Variants in EPN3 observed in about 807,000 individuals in gnomAD.
EPN3 encodes the protein epsin-3.
A neutral mutation model predicts 55.5 loss-of-function variants in EPN3; 56 were observed. The observed-to-expected ratio is 1.01, with a 90% CI of 0.81 to 1.26. The LOEUF is 1.26. Ranked by LOEUF, EPN3 falls within the 50% of genes most tolerant of loss-of-function variation. EPN3 has a pLI of 0.00. For missense variants in EPN3, 927 were observed against 853.4 expected (o/e 1.09, Z -1.07); for synonymous variants, 449 against 375.2 (o/e 1.20, Z -2.27).
chr17:50,534,350 G>C, intron 1 of EPN3: 8 of 939,268 alleles, frequency 8.5e-6, no homozygotes, highest in Non-Finnish European at 1.0e-5. Context: ...CCAGAGGCTG[G>C]TGCCCCCACA....
At position 50,541,069 on chromosome 17, in the gene EPN3, A is replaced by C; in HGVS notation, c.1249+7A>C. On this transcript the variant is annotated splice_region_variant and intron_variant, in intron 7 of 9. Transcript: ENST00000268933. ...GAGACCTCCGACACACCTGGTAAGA[A>C]GAGGGCCAGAGAGTGTGAGTGAGGA... 1 of 1,567,694 alleles carries C rather than the reference A, an allele frequency of 6.4e-7. No individual in the cohort carries two copies. Among genetic ancestry groups the C allele is most frequent in the East Asian group, 2.2e-5 (1 of 44,472 alleles).
Position 50,542,058 on chromosome 17 carries a change from G to T in EPN3, c.1800G>T (p.Pro600=). 1 of 1,590,274 alleles carries T rather than the reference G, an allele frequency of 6.3e-7. No homozygotes were observed. The highest frequency in any genetic ancestry group is 1.1e-5 in the South Asian group (1 of 89,850). Residue 600 remains proline, a synonymous_variant, in exon 10 of 10, where the codon CCG becomes CCT. Transcript: ENST00000268933. ...LTLPASVSVF[P]QAGAFAPQPL... Reference sequence around the variant, plus strand: ...TCCCCGCCTCGGTTAGCGTCTTCCCGCAGGCCGGAGCCTTCGCACCGCAGC... The same window carrying T: ...TCCCCGCCTCGGTTAGCGTCTTCCCTCAGGCCGGAGCCTTCGCACCGCAGC...
intron 4 of EPN3, 105 bp from the exon 5 acceptor site, chr17:50,539,082 G>C (rs565265267): frequency 9.7e-5 from 152 of 1,560,440 alleles, no homozygotes; most frequent in Non-Finnish European, 1.3e-4. Flanking sequence ...TAACCTCTCA[G>C]CTGCCTCCCA....
chr17:50,540,225 C>T lies in EPN3; in HGVS notation c.892-22C>T, dbSNP rs138823901. 32 of 1,606,748 alleles carry T rather than the reference C, an allele frequency of 2.0e-5. No homozygotes were observed. The East Asian group carries it at 2.9e-4, about 15-fold the overall frequency. On this transcript the variant is annotated intron_variant, in intron 5 of 9. Transcript: ENST00000268933. ...CCAGGCCCCGCCCACTTCTGAGCCGCGGCTGCCTCTCCCCTCCACAGTCCT... is the reference window on the plus strand; with the variant it reads ...CCAGGCCCCGCCCACTTCTGAGCCGTGGCTGCCTCTCCCCTCCACAGTCCT...
At position 50,536,816 on chromosome 17, in the gene EPN3, C is replaced by T. The variant is rs368660081; in HGVS notation, c.260C>T (p.Thr87Met). The T allele has an allele frequency of 2.7e-5, 44 of 1,614,008 alleles. No individual in the cohort carries two copies. The highest frequency in any genetic ancestry group is 6.7e-5 in the Admixed American group (4 of 60,010). Residue 87 changes from threonine to methionine, a missense_variant, in exon 2 of 10, where the codon ACG (threonine) becomes ATG (methionine). Transcript: ENST00000268933. ...ALTLLDYLLK[T>M]GSERVAHQCR... is the part of the protein sequence containing the mutation. ...ACATTGCTGGACTACCTGCTCAAGACGGGCTCCGAGCGGGTGGCCCACCAG... is the reference window on the plus strand; with the variant it reads ...ACATTGCTGGACTACCTGCTCAAGATGGGCTCCGAGCGGGTGGCCCACCAG...
intron 5 of EPN3, 133 bp downstream of exon 5, chr17:50,539,448 G>A (rs2034814739): frequency 1.5e-6 from 2 of 1,337,214 alleles, no homozygotes; most frequent in Non-Finnish European, 2.0e-6. Flanking sequence ...AGGGGTGGGG[G>A]TGTAGCAGCC....
intron 1 of EPN3, chr17:50,534,368 G>A: frequency 1.0e-6 from 1 of 975,716 alleles, no homozygotes; most frequent in Non-Finnish European, 1.2e-6. Context: ...ACACAGGCCA[G>A]GCCGGAGGGC....
Position 50,539,459 on chromosome 17 carries a change from C to T in EPN3, c.891+144C>T, listed in dbSNP as rs962052759. 3.8e-5 allele frequency: 48 copies of T among 1,279,740 alleles called. No individual in the cohort carries two copies. In the African/African-American group the frequency reaches 4.7e-4, roughly 13 times the overall value. The allele number at this position is 1,279,740 out of a possible 1,614,324, so 79.3% of individuals were successfully genotyped here. ...AAATAGGGGTGGGGGTGTAGCAGCC[C>T]TAGTCCCACATTGCATGGGCTGGTG... On this transcript the variant is annotated intron_variant, in intron 5 of 9. Coordinates refer to ENST00000268933, the MANE Select transcript of EPN3 (RefSeq NM_017957.3).
rs1373037332 is a variant in EPN3 at position 50,542,276 on chromosome 17, AT to A, written c.*120del. 8.7e-7 allele frequency: 1 copy of A among 1,152,124 alleles called. No homozygotes were observed. Among genetic ancestry groups the A allele is most frequent in the African/African-American group, 1.6e-5 (1 of 60,764 alleles). The allele number at this position is 1,152,124 out of a possible 1,614,324, so 71.4% of individuals were successfully genotyped here. A position where few individuals can be genotyped will look rare whatever the true frequency, so the allele number is the denominator to read the frequency against. On this transcript the variant is annotated 3_prime_UTR_variant, in exon 10 of 10. Transcript: ENST00000268933. Reference sequence around the variant, plus strand: ...GAACGCCGAGCCAGTGGCGGCTGGTATCCCGCGGCGGCTCTGGAAGCTGGAC... The same window carrying A: ...GAACGCCGAGCCAGTGGCGGCTGGTACCCGCGGCGGCTCTGGAAGCTGGAC...
intron 5 of EPN3, 42 bp downstream of exon 5, chr17:50,539,357 G>T: frequency 6.2e-7 from 1 of 1,611,972 alleles, no homozygotes; most frequent in South Asian, 1.1e-5. Context: ...CAGGGCCTAA[G>T]AGATGGACTG....
At chr17:50,535,430 G>A (rs770073463) in intron 1 of EPN3, among the ~76,000 whole-genome samples, 9 of 152,220 alleles carry the variant, frequency 5.9e-5, no homozygotes, top group Non-Finnish European at 1.3e-4. Flanking sequence ...GGGGTGGCAT[G>A]CAGGAGTGTT....
chr17:50,539,255 G>A lies in EPN3; in HGVS notation c.831G>A (p.Gln277=). The A allele has an allele frequency of 6.2e-7, 1 of 1,614,202 alleles. No individual in the cohort carries two copies. The highest frequency in any genetic ancestry group is 8.5e-7 in the Non-Finnish European group (1 of 1,180,040). Residue 277 remains glutamine, a synonymous_variant, in exon 5 of 10, where the codon CAG becomes CAA. Transcript: ENST00000268933. ...ANGAGAVVHH[Q]RDREPEREER... ...GTGCAGGGGCCGTGGTCCACCATCAGCGGGACAGAGAGCCTGAGAGAGAAG... is the reference window on the plus strand; with the variant it reads ...GTGCAGGGGCCGTGGTCCACCATCAACGGGACAGAGAGCCTGAGAGAGAAG...
In EPN3 at chr17:50,536,596, G is replaced by C. The variant is rs370636443; in HGVS notation, c.40G>C (p.Val14Leu). The change falls in exon 2 of 10, where the codon GTG (valine) becomes CTG (leucine). Residue 14 changes from valine to leucine, a missense_variant. Transcript: ENST00000268933. ...ACTCCGGCGCCAGGTGAAGAACATC[G>C]TGCACAACTACTCCGAGGCAGAAAT... ...SALRRQVKNIVHNYSEAEIKV... is the reference protein window; with the variant it reads ...SALRRQVKNILHNYSEAEIKV... 1 of 1,614,012 alleles carries C rather than the reference G, an allele frequency of 6.2e-7. No homozygotes were observed. The highest frequency in any genetic ancestry group is 2.2e-5 in the East Asian group (1 of 44,858).
chr17:50,539,246 C>G lies in EPN3; in HGVS notation c.822C>G (p.Val274=). ...TGGCCAATGGTGCAGGGGCCGTGGT[C>G]CACCATCAGCGGGACAGAGAGCCTG... ...SPMANGAGAV[V]HHQRDREPER... is the part of the protein sequence containing the mutation. The change falls in exon 5 of 10, where the codon GTC becomes GTG. Residue 274 remains valine, a synonymous_variant. Transcript: ENST00000268933. 1 of 1,614,090 alleles carries G rather than the reference C, an allele frequency of 6.2e-7. No individual in the cohort carries two copies. Among genetic ancestry groups the G allele is most frequent in the Non-Finnish European group, 8.5e-7 (1 of 1,180,020 alleles).
intron 1 of EPN3, among the ~76,000 whole-genome samples, chr17:50,535,233 T>C (rs1267910934): frequency 6.6e-6 from 1 of 152,202 alleles, no homozygotes; most frequent in African/African-American, 2.4e-5. Context: ...CCATTCTAGC[T>C]GAGAAGGTGG....
chr17:50,542,017 C>G lies in EPN3; in HGVS notation c.1759C>G (p.Pro587Ala), dbSNP rs1470727650. The G allele has an allele frequency of 1.9e-6, 3 of 1,597,640 alleles. No homozygotes were observed. The highest frequency in any genetic ancestry group is 1.3e-5 in the African/African-American group (1 of 74,734). Reference sequence around the variant, plus strand: ...TCTGCCCCTCCCGCTCAGCAGCGTGCCAGCTGGCTTGACCCTCCCCGCCTC... The same window carrying G: ...TCTGCCCCTCCCGCTCAGCAGCGTGGCAGCTGGCTTGACCCTCCCCGCCTC... ...ASLPLPLSSV[P>A]AGLTLPASVS... The change falls in exon 10 of 10, where the codon CCA (proline) becomes GCA (alanine). Residue 587 changes from proline to alanine, a missense_variant. Pro to Ala is a conservative substitution (Grantham distance 27). Coordinates refer to ENST00000268933, the MANE Select transcript of EPN3 (RefSeq NM_017957.3).
rs1207049163 is a variant in EPN3, at chr17:50,536,985, G to A, written c.429G>A (p.Glu143=). Residue 143 remains glutamate, a synonymous_variant, in exon 2 of 10, where the codon GAG becomes GAA. Transcript: ENST00000268933. ...LLKDEERLRQ[E]RTHALKTKER... ...AGGATGAGGAGCGGCTGCGGCAGGA[G>A]CGAACCCACGCCCTCAAGACCAAGG... 2.5e-6 allele frequency: 4 copies of A among 1,613,618 alleles called. No individual in the cohort carries two copies. Among genetic ancestry groups the A allele is most frequent in the African/African-American group, 1.3e-5 (1 of 74,938 alleles).
chr17:50,535,072 A>G (rs79723678), intron 1 of EPN3, among the ~76,000 whole-genome samples: 12,558 of 152,158 alleles, frequency 0.083, 555 homozygotes, highest in Non-Finnish European at 0.097. Context: ...TTGGGCCTGG[A>G]GTTGTATTCA....
At position 50,542,457 on chromosome 17, in the gene EPN3, A is replaced by G. The variant is rs957967902; in HGVS notation, c.*300A>G. 2 of 359,020 alleles carry G rather than the reference A, an allele frequency of 5.6e-6. No homozygotes were observed. Among genetic ancestry groups the G allele is most frequent in the Non-Finnish European group, 1.0e-5 (2 of 200,104 alleles). The allele number at this position is 359,020 out of a possible 1,614,324, so 22.2% of individuals were successfully genotyped here. ...CGGCTGTTTAGGAAACTGCAGCTGC[A>G]CAACGTGGGGTGCAAAACTGCCCCG... On this transcript the variant is annotated 3_prime_UTR_variant, in exon 10 of 10. Coordinates refer to ENST00000268933, the MANE Select transcript of EPN3 (RefSeq NM_017957.3).
Sources: allele counts gnomAD v4.1 joint callset (sites outside exome capture counted in the v4.1 genomes callset), GRCh38; gene constraint gnomAD v4.1.1; transcripts MANE v1.5; gene names NCBI Gene and HGNC (gene_info 2026-07-23, HGNC 2026-07-21).